NEU3: variants seen among roughly 807,000 people sequenced by gnomAD.
NEU3 encodes the protein sialidase-3.
NEU3 carries 10 observed loss-of-function variants against 11.4 expected under a neutral mutation model. The ratio of observed to expected loss-of-function variants is 0.88; its 90% CI spans 0.54 to 1.49. The LOEUF (loss-of-function observed/expected upper bound fraction) is 1.49, where lower values mean the gene tolerates loss of function less well. Among genes scored for constraint, NEU3 ranks in the 40% most tolerant of loss-of-function variants. NEU3 has a pLI of 0.00. For synonymous variants in NEU3, 212 were observed against 228.2 expected (o/e 0.93, Z 0.64); for missense variants, 529 against 581.8 (o/e 0.91, Z 0.93).
chr11:75,011,558 G>A (rs987364142), downstream of NEU3, among the ~76,000 whole-genome samples: 7 of 152,318 alleles, frequency 4.6e-5, no homozygotes, highest in East Asian at 1.3e-3. Context: ...GAGAATGCCT[G>A]TGTCAGTAGA....
intron 2 of NEU3, among the ~76,000 whole-genome samples, chr11:75,004,736 G>A (rs1482501616): frequency 2.0e-5 from 3 of 152,126 alleles, no homozygotes; most frequent in African/African-American, 7.2e-5. Flanking sequence ...ATGAAAGCAT[G>A]GTTTGAACTA....
upstream of NEU3, chr11:74,988,612 T>C: frequency 5.7e-6 from 1 of 176,862 alleles, no homozygotes; most frequent in South Asian, 1.3e-4. Flanking sequence ...CGGGAACCTT[T>C]GCTCAACTCT....
upstream of NEU3, among the ~76,000 whole-genome samples, chr11:74,984,459 T>C (rs1217756470): frequency 6.6e-6 from 1 of 152,194 alleles, no homozygotes; most frequent in African/African-American, 2.4e-5. Context: ...GCTACTGCTA[T>C]TGCTGTAAGT....
chr11:75,020,382 A>C (rs546439354), downstream of NEU3, among the ~76,000 whole-genome samples: 2 of 152,244 alleles, frequency 1.3e-5, no homozygotes, highest in South Asian at 4.2e-4. Context: ...GAATGATATG[A>C]TTTGGCTGTT....
intron 2 of NEU3, among the ~76,000 whole-genome samples, chr11:74,999,490 A>G (rs1448465665): frequency 2.0e-5 from 3 of 152,206 alleles, no homozygotes; most frequent in African/African-American, 7.2e-5. Flanking sequence ...AGAAATCTGT[A>G]TTCTATTGGT....
upstream of NEU3, among the ~76,000 whole-genome samples, chr11:74,983,992 TAC>T: frequency 6.6e-6 from 1 of 152,338 alleles, no homozygotes; most frequent in Middle Eastern, 3.4e-3. Context: ...CTTATCCTGT[TAC>T]ATAGAGTTCT....
intron 2 of NEU3, chr11:75,004,192 T>TG (rs57753556): frequency 0.84 from 477,168 of 568,768 alleles, 201,819 homozygotes; most frequent in African/African-American, 0.94. Flanking sequence ...TATATGAAAG[T>TG]CCAGTTTCTT....
At chr11:74,989,992 G>A (rs1348434127) in intron 1 of NEU3, 2 of 702,408 alleles carry the variant, frequency 2.8e-6, no homozygotes, top group African/African-American at 1.7e-5. Flanking sequence ...GTTTTGGGTG[G>A]CAATGCCAGA....
At chr11:75,000,583 T>A (rs1948833140) in intron 2 of NEU3, among the ~76,000 whole-genome samples, 2 of 152,104 alleles carry the variant, frequency 1.3e-5, no homozygotes, top group South Asian at 4.1e-4. Flanking sequence ...TAAGGCTGAA[T>A]AATATATCAT....
chr11:75,013,039 T>A (rs1408276234), downstream of NEU3, among the ~76,000 whole-genome samples: 1 of 152,148 alleles, frequency 6.6e-6, no homozygotes. Flanking sequence ...AATACTAAAG[T>A]TTGATAAACA....
In NEU3 at chr11:75,008,883, A is replaced by G. The variant is rs1204484528; in HGVS notation, c.*2391A>G. Reference sequence around the variant, plus strand: ...ATATCAACTTCTTTAGGACTACTCAAGAAGGGAGTCAAGGCAGGGACCTTG... The same window carrying G: ...ATATCAACTTCTTTAGGACTACTCAGGAAGGGAGTCAAGGCAGGGACCTTG... On this transcript the variant is annotated 3_prime_UTR_variant, in exon 3 of 3. Coordinates refer to ENST00000294064, the MANE Select transcript of NEU3 (RefSeq NM_006656.6). The G allele has an allele frequency of 6.6e-6, 1 of 152,046 alleles. No homozygotes were observed. Among genetic ancestry groups the G allele is most frequent in the East Asian group, 1.9e-4 (1 of 5,186 alleles). The allele number at this position is 152,046 out of a possible 1,614,324, so 9.4% of individuals were successfully genotyped here.
At chr11:74,999,719 G>A (rs1036767188) in intron 2 of NEU3, among the ~76,000 whole-genome samples, 4 of 152,202 alleles carry the variant, frequency 2.6e-5, no homozygotes, top group African/African-American at 9.7e-5. Flanking sequence ...TGCTGTGGCA[G>A]CTGGTTTTTA....
At chr11:75,003,719 A>G (rs568310) in intron 2 of NEU3, among the ~76,000 whole-genome samples, 121,937 of 151,964 alleles carry the variant, frequency 0.8, 49,279 homozygotes, top group Non-Finnish European at 0.86. Flanking sequence ...GTGAAACCCC[A>G]TCTCTACTAA....
At position 75,005,991 on chromosome 11, in the gene NEU3, C is replaced by G; in HGVS notation, c.885C>G (p.Gly295=). The change falls in exon 3 of 3, where the codon GGC becomes GGG. Residue 295 remains glycine (G), a synonymous_variant. Transcript: ENST00000294064. ...AEALSTDHGE[G]FQRLALSRQL... ...CGCTCAGCACTGACCATGGTGAAGG[C>G]TTTCAGAGACTGGCCCTGAGTCGAC... is the stretch of plus-strand genomic sequence containing the variant. The G allele has an allele frequency of 6.2e-7, 1 of 1,613,964 alleles. No individual in the cohort carries two copies. The highest frequency in any genetic ancestry group is 8.5e-7 in the Non-Finnish European group (1 of 1,179,896).
Position 75,006,188 on chromosome 11 carries a change from G to C in NEU3, c.1082G>C (p.Trp361Ser). ...GAAGCTGGAACACCGTCAGAATCATGGCTCTTGTACTCACACCCAACCAGT... is the reference window on the plus strand; with the variant it reads ...GAAGCTGGAACACCGTCAGAATCATCGCTCTTGTACTCACACCCAACCAGT... The part of the protein sequence containing the change: ...EEEAGTPSES[W>S]LLYSHPTSRK... Residue 361 changes from tryptophan (W) to serine (S), a missense_variant, in exon 3 of 3, where the codon TGG becomes TCG. Transcript: ENST00000294064. 6.2e-7 allele frequency: 1 copy of C among 1,613,982 alleles called. No homozygotes were observed. Among genetic ancestry groups the C allele is most frequent in the East Asian group, 2.2e-5 (1 of 44,872 alleles).
rs1274759519 is a variant in NEU3, at chr11:75,005,409, C to CT, written c.307-3dup. On this transcript the variant is annotated splice_polypyrimidine_tract_variant and splice_region_variant and intron_variant, in intron 2 of 2. Coordinates refer to ENST00000294064, the MANE Select transcript of NEU3 (RefSeq NM_006656.6). ...CTCCTACTTTCTCCCTTCTCCTTGT[C>CT]TAGTGGGGGCCCCTGAAGCCACTGA... is the stretch of plus-strand genomic sequence containing the variant. 1.3e-6 allele frequency: 2 copies of CT among 1,596,488 alleles called. No homozygotes were observed. The highest frequency in any genetic ancestry group is 2.7e-5 in the African/African-American group (2 of 74,448).
upstream of NEU3, among the ~76,000 whole-genome samples, chr11:74,983,804 T>TGC (rs1948652306): frequency 6.6e-6 from 1 of 152,192 alleles, no homozygotes; most frequent in African/African-American, 2.4e-5. Context: ...GTGCAATCAC[T>TGC]AATACATCCC....
In NEU3 at chr11:75,005,655, C is replaced by T. The variant is rs769791012; in HGVS notation, c.549C>T (p.Gly183=). 3.1e-6 allele frequency: 5 copies of T among 1,614,036 alleles called. No individual in the cohort carries two copies. Among genetic ancestry groups the T allele is most frequent in the African/African-American group, 1.3e-5 (1 of 75,038 alleles). ...GGGACTTGACTGAGGAGGTCATTGGCTCAGAGCTGAAGCACTGGGCCACAT... is the reference window on the plus strand; with the variant it reads ...GGGACTTGACTGAGGAGGTCATTGGTTCAGAGCTGAAGCACTGGGCCACAT... ...EVRDLTEEVI[G]SELKHWATFA... Residue 183 remains glycine, a synonymous_variant, in exon 3 of 3, where the codon GGC becomes GGT. Transcript: ENST00000294064.
chr11:75,017,766 C>T (rs924228862), intron 3 of NEU3, among the ~76,000 whole-genome samples: 92 of 152,280 alleles, frequency 6.0e-4, no homozygotes, highest in African/African-American at 2.2e-3. Flanking sequence ...TATGCCTGCC[C>T]TGCCTAGAGC....
Sources: allele counts gnomAD v4.1 joint callset (sites outside exome capture counted in the v4.1 genomes callset), GRCh38; gene constraint gnomAD v4.1.1; transcripts MANE v1.5; gene names NCBI Gene and HGNC (gene_info 2026-07-23, HGNC 2026-07-21).